The following SLC1A1 variants were observed in gnomAD, a reference collection of about 807,000 sequenced individuals.
SLC1A1 encodes solute carrier family 1 member 1, also known as excitatory amino acid transporter 3.
A neutral mutation model predicts 53.3 loss-of-function variants in SLC1A1; 43 were observed. The observed-to-expected ratio is 0.81, with a 90% CI of 0.63 to 1.04. The LOEUF (loss-of-function observed/expected upper bound fraction) is 1.04, where lower values mean the gene tolerates loss of function less well. SLC1A1 is among the 50% of genes least tolerant of loss of function. SLC1A1 has a pLI of 0.00. For synonymous variants in SLC1A1, 307 were observed against 243.2 expected (o/e 1.26, Z -2.44); for missense variants, 748 against 664.9 (o/e 1.12, Z -1.37).
Position 4,490,505 on chromosome 9 carries a change from C to G in SLC1A1, c.-175C>G. 5.0e-6 allele frequency: 2 copies of G among 398,606 alleles called. No individual in the cohort carries two copies. Among genetic ancestry groups the G allele is most frequent in the East Asian group, 8.5e-5 (2 of 23,490 alleles). 24.7% of individuals were successfully genotyped at this position (398,606 alleles called of 1,614,324 possible). A position where few individuals can be genotyped will look rare whatever the true frequency, so the allele number is the denominator to read the frequency against. On this transcript the variant is annotated 5_prime_UTR_variant, in exon 1 of 12. Coordinates refer to ENST00000262352, the MANE Select transcript of SLC1A1 (RefSeq NM_004170.6). Reference sequence around the variant, plus strand: ...GGCTGGCAGGGCGGCGGGCGCGGTGCGCGATCCCGGGTGGCGGCGGCAACG... The same window carrying G: ...GGCTGGCAGGGCGGCGGGCGCGGTGGGCGATCCCGGGTGGCGGCGGCAACG...
rs562167092 is a variant in SLC1A1 at position 4,578,386 on chromosome 9, G to A, written c.1193+1623G>A. Among the ~76,000 whole-genome samples, 351 of 152,302 alleles carry A rather than the reference G, an allele frequency of 2.3e-3. 4 individuals carry two copies. Among genetic ancestry groups the A allele is most frequent in the African/African-American group, 8.2e-3 (340 of 41,550 alleles). ...ATGCATATAAAATGTTTATAACTGT[G>A]CCTATGTAGTGAGTACTCAGTGAAT... On this transcript the variant is annotated intron_variant, in intron 10 of 11. Transcript: ENST00000262352.
rs562311000 is a variant in SLC1A1 at position 4,573,697 on chromosome 9, G to C, written c.768-210G>C. 1.3e-3 allele frequency among the ~76,000 whole-genome samples: 205 copies of C among 152,222 alleles called. 1 individual carries two copies. The highest frequency in any genetic ancestry group is 4.9e-3 in the African/African-American group (203 of 41,522). On this transcript the variant is annotated intron_variant, in intron 7 of 11. Transcript: ENST00000262352. ...TACCCTATGGTAGTTTGGATGGGTA[G>C]AATTTAAGGTGCACACAGGTACTAA...
rs890494791 is a variant in SLC1A1, at chr9:4,544,477, T to A, written c.92-90T>A. The A allele has an allele frequency of 2.9e-5, 32 of 1,109,362 alleles. 1 individual carries two copies. In the Admixed American group the frequency reaches 3.2e-4, roughly 11 times the overall value. 68.7% of individuals were successfully genotyped at this position (1,109,362 alleles called of 1,614,324 possible). ...TAAACTATTTTTCTTGCCATTAAAA[T>A]GTGCATTTGGGAGTATTTTTCCATA... On this transcript the variant is annotated intron_variant, in intron 1 of 11. Transcript: ENST00000262352.
At chr9:4,510,294 G>C (rs1190991617) in intron 1 of SLC1A1, among the ~76,000 whole-genome samples, 2 of 152,116 alleles carry the variant, frequency 1.3e-5, no homozygotes, top group Admixed American at 6.6e-5. Context: ...AGAAAGCATT[G>C]CCCGTGCATC....
chr9:4,553,103 C>T (rs746732760), intron 2 of SLC1A1, among the ~76,000 whole-genome samples: 2 of 152,068 alleles, frequency 1.3e-5, no homozygotes, highest in Non-Finnish European at 2.9e-5. Flanking sequence ...GTGGCAAAAA[C>T]CCAGAAAAGT....
intron 1 of SLC1A1, among the ~76,000 whole-genome samples, chr9:4,514,476 C>T (rs1469172173): frequency 6.6e-6 from 1 of 152,170 alleles, no homozygotes; most frequent in Non-Finnish European, 1.5e-5. Context: ...CTTGGGGACG[C>T]ACATGTCACA....
chr9:4,513,500 T>A (rs1005390092), intron 1 of SLC1A1, among the ~76,000 whole-genome samples: 1 of 151,972 alleles, frequency 6.6e-6, no homozygotes, highest in African/African-American at 2.4e-5. Flanking sequence ...AAAACCACAA[T>A]AAGATGCCAG....
rs543044764 is a variant in SLC1A1 at position 4,512,013 on chromosome 9, G to T, written c.91+21243G>T. On this transcript the variant is annotated intron_variant, in intron 1 of 11. Transcript: ENST00000262352. ...TTAGGTATGTAACAAAATATATATA[G>T]GATCTATACTCTGACAATTATAAAA... Among the ~76,000 whole-genome samples the T allele has an allele frequency of 4.6e-5, 7 of 152,232 alleles. No homozygotes were observed. In the South Asian group the frequency reaches 1.5e-3, roughly 32 times the overall value.
intron 5 of SLC1A1, among the ~76,000 whole-genome samples, chr9:4,567,461 G>C (rs1819596564): frequency 6.6e-6 from 1 of 152,066 alleles, no homozygotes; most frequent in Non-Finnish European, 1.5e-5. Context: ...GGTGATCGTG[G>C]GAGTCAGGGG....
At chr9:4,571,765 G>C (rs1228282083) in intron 6 of SLC1A1, among the ~76,000 whole-genome samples, 1 of 152,112 alleles carries the variant, frequency 6.6e-6, no homozygotes, top group East Asian at 1.9e-4. Flanking sequence ...TCATTATCAG[G>C]GTAAAACAGA....
intron 1 of SLC1A1, among the ~76,000 whole-genome samples, chr9:4,515,047 C>CTT (rs1821119616): frequency 6.6e-6 from 1 of 151,750 alleles, no homozygotes; most frequent in African/African-American, 2.4e-5. Context: ...CTCTCTCTCT[C>CTT]CCCCAACCCC....
chr9:4,555,785 G>C (rs1030982494), intron 2 of SLC1A1, among the ~76,000 whole-genome samples: 2 of 152,090 alleles, frequency 1.3e-5, no homozygotes, highest in African/African-American at 4.8e-5. Flanking sequence ...ATCTCAATCT[G>C]GTGACAGTTC....
intron 1 of SLC1A1, among the ~76,000 whole-genome samples, chr9:4,536,148 T>A (rs1353208709): frequency 6.6e-6 from 1 of 152,040 alleles, no homozygotes; most frequent in African/African-American, 2.4e-5. Flanking sequence ...GGACTTCATG[T>A]CTAAAACACC....
intron 1 of SLC1A1, among the ~76,000 whole-genome samples, chr9:4,534,035 G>A (rs1816579771): frequency 6.6e-6 from 1 of 152,256 alleles, no homozygotes; most frequent in Middle Eastern, 3.4e-3. Context: ...CAACACACCA[G>A]AATCTCTGGG....
chr9:4,502,539 G>A (rs1209863888), intron 1 of SLC1A1, among the ~76,000 whole-genome samples: 1 of 150,898 alleles, frequency 6.6e-6, no homozygotes, highest in African/African-American at 2.5e-5. Flanking sequence ...CGAGTTTTAT[G>A]TACATTTATC....
rs373212397 is a variant in SLC1A1 at position 4,585,284 on chromosome 9, C to T, written c.1329-28C>T. 131 of 1,612,494 alleles carry T rather than the reference C, an allele frequency of 8.1e-5. No homozygotes were observed. The African/African-American group carries it at 1.4e-3, about 17-fold the overall frequency. On this transcript the variant is annotated intron_variant, in intron 11 of 11. Transcript: ENST00000262352. ...TGAAGGAAAATGAAATCTGGGCCTCCTGTCTGACTCCTCCCGTCTCTCCCC... is the reference window on the plus strand; with the variant it reads ...TGAAGGAAAATGAAATCTGGGCCTCTTGTCTGACTCCTCCCGTCTCTCCCC...
intron 2 of SLC1A1, among the ~76,000 whole-genome samples, chr9:4,558,258 T>C (rs925992659): frequency 3.9e-5 from 6 of 152,192 alleles, no homozygotes; most frequent in African/African-American, 1.4e-4. Flanking sequence ...TTATAAATCA[T>C]CCAACAGCCT....
In SLC1A1 at chr9:4,549,160, G is replaced by C. The variant is rs368233970; in HGVS notation, c.232+4453G>C. On this transcript the variant is annotated intron_variant, in intron 2 of 11. Coordinates refer to ENST00000262352, the MANE Select transcript of SLC1A1 (RefSeq NM_004170.6). The surrounding 1 kb of genome is among the most constrained non-coding windows in gnomAD (Gnocchi z 4.1). The stretch of plus-strand genomic sequence containing the variant: ...AACAGCACCTCCAGTCCCGCTCCCA[G>C]AGGTCCCCTGAGCATCCTTCCCGGA... Among the ~76,000 whole-genome samples, 3 of 152,246 alleles carry C rather than the reference G, an allele frequency of 2.0e-5. No individual in the cohort carries two copies. The East Asian group carries it at 5.8e-4, about 29-fold the overall frequency.
chr9:4,516,200 G>C (rs1157863309), intron 1 of SLC1A1, among the ~76,000 whole-genome samples: 2 of 152,094 alleles, frequency 1.3e-5, no homozygotes, highest in African/African-American at 4.8e-5. Context: ...CTTCACCCTA[G>C]GCATCCCTCC....
Sources: gnomAD v4.1 joint callset for allele counts (sites outside exome capture counted in the v4.1 genomes callset) on GRCh38, gnomAD v4.1.1 for gene constraint, Gnocchi (gnomAD v3.1) non-coding constraint, MANE v1.5 for transcripts, NCBI Gene and HGNC (gene_info 2026-07-23, HGNC 2026-07-21) for gene names.